MED12L: variants seen among roughly 807,000 people sequenced by gnomAD.
The protein encoded by MED12L is mediator of RNA polymerase II transcription subunit 12-like protein.
A neutral mutation model predicts 281.3 loss-of-function variants in MED12L; 60 were observed. That is an observed-to-expected ratio of 0.21 (90% confidence interval 0.17 to 0.26). MED12L has a LOEUF of 0.26. MED12L is among the 10% of genes least tolerant of loss of function. MED12L has a pLI of 1.00. For synonymous variants in MED12L, 974 were observed against 987.2 expected, an observed-to-expected ratio of 0.99 and a Z score of 0.25; for missense variants, 2,146 against 2,680.9, an observed-to-expected ratio of 0.80 and a Z score of 4.41.
At chr3:151,297,941 T>G (rs1745328395) in intron 16 of MED12L, among the ~76,000 whole-genome samples, 1 of 152,104 alleles carries the variant, frequency 6.6e-6, no homozygotes, top group Non-Finnish European at 1.5e-5. Context: ...GCAGCAAAGC[T>G]TAAACAAATT....
chr3:151,423,650 T>C (rs948444063), intron 43 of MED12L, among the ~76,000 whole-genome samples: 4 of 152,198 alleles, frequency 2.6e-5, no homozygotes, highest in African/African-American at 9.6e-5. Context: ...TAGAAAAATA[T>C]TTTTAATGCT....
intron 39 of MED12L, among the ~76,000 whole-genome samples, chr3:151,404,292 C>T (rs1716039549): frequency 6.6e-6 from 1 of 152,110 alleles, no homozygotes; most frequent in South Asian, 2.1e-4. Context: ...AATATATGGA[C>T]ATGCTAAAAT....
At chr3:151,089,585 T>G (rs930715170) in intron 2 of MED12L, among the ~76,000 whole-genome samples, 2 of 152,002 alleles carry the variant, frequency 1.3e-5, no homozygotes, top group Non-Finnish European at 2.9e-5. Context: ...ATTTTTATTG[T>G]TGTTGTTAAC....
intron 16 of MED12L, among the ~76,000 whole-genome samples, chr3:151,336,230 T>TAGCATGCTGGGATAAACA (rs1750970248): frequency 1.3e-5 from 2 of 152,192 alleles, no homozygotes; most frequent in South Asian, 4.1e-4. Context: ...ATAGCAGAAA[T>TAGCATGCTGGGATAAACA]TATTACTGCT....
intron 43 of MED12L, among the ~76,000 whole-genome samples, chr3:151,421,343 C>G (rs1577612838): frequency 6.6e-6 from 1 of 152,254 alleles, no homozygotes; most frequent in East Asian, 1.9e-4. Context: ...ATACCTCTTC[C>G]CCAAATTTCT....
rs141353889 is a variant in MED12L, at chr3:151,152,085, G to GTTTTTTTTTTTTTTTT, written c.557-4060_557-4045dup. ...AAGAATTGTGGATCAGTTGAAGGTG[G>GTTTTTTTTTTTTTTTT]TTTTTTTTTTTTTTTTTTTTTTTTT... On this transcript the variant is annotated intron_variant, in intron 5 of 44. Transcript: ENST00000687756. 1.3e-4 allele frequency among the ~76,000 whole-genome samples: 8 copies of GTTTTTTTTTTTTTTTT among 62,984 alleles called. 1 individual carries two copies. Among genetic ancestry groups the GTTTTTTTTTTTTTTTT allele is most frequent in the African/African-American group, 5.0e-4 (8 of 15,984 alleles). 41.3% of individuals were successfully genotyped at this position (62,984 alleles called of 152,430 possible). A position where few individuals can be genotyped will look rare whatever the true frequency, so the allele number is the denominator to read the frequency against.
chr3:151,107,618 G>C (rs1722238860), intron 2 of MED12L, among the ~76,000 whole-genome samples: 1 of 152,156 alleles, frequency 6.6e-6, no homozygotes, highest in South Asian at 2.1e-4. Flanking sequence ...AGGTTGAAAA[G>C]ACAGCGTATG....
chr3:151,412,943 A>G (rs1047792333), intron 41 of MED12L, among the ~76,000 whole-genome samples, 196 bp from the exon 42 acceptor site: 1 of 152,238 alleles, frequency 6.6e-6, no homozygotes, highest in African/African-American at 2.4e-5. Context: ...ATTTTACCTT[A>G]AGTCATGTGC....
At chr3:151,188,207 G>C (rs1175687775) in intron 12 of MED12L, 147 bp from the exon 13 acceptor site, 2 of 545,386 alleles carry the variant, frequency 3.7e-6, no homozygotes, top group East Asian at 6.1e-5. Context: ...CACCTGAGGT[G>C]CATGGTCCCT....
intron 16 of MED12L, chr3:151,340,718 A>G (rs1256735748): frequency 6.6e-6 from 1 of 152,552 alleles, no homozygotes; most frequent in African/African-American, 2.4e-5. Context: ...CCTCTTTGTG[A>G]TAGAGGATTT....
rs754856998 is a variant in MED12L, at chr3:151,365,969, A to G, written c.3305A>G (p.Asn1102Ser). 6.2e-7 allele frequency: 1 copy of G among 1,611,500 alleles called. No individual in the cohort carries two copies. The highest frequency in any genetic ancestry group is 8.5e-7 in the Non-Finnish European group (1 of 1,178,524). Residue 1102 changes from asparagine to serine, a missense_variant, in exon 23 of 45, where the codon AAT (asparagine) becomes AGT (serine). Physicochemically the swap from Asn to Ser is conservative, Grantham distance 46. Coordinates refer to ENST00000687756, the MANE Select transcript of MED12L (RefSeq NM_001393769.1). ...CCSSNHVWGF[N>S]DVLCTVDVSD... ...TCTTCAAATCACGTGTGGGGGTTTAATGATGTACTTTGCACTGTAGATGTA... is the reference window on the plus strand; with the variant it reads ...TCTTCAAATCACGTGTGGGGGTTTAGTGATGTACTTTGCACTGTAGATGTA...
chr3:151,223,435 C>T (rs956008042), intron 16 of MED12L, among the ~76,000 whole-genome samples: 2 of 152,196 alleles, frequency 1.3e-5, no homozygotes, highest in African/African-American at 4.8e-5. Context: ...GGCATAGAAT[C>T]AGCCTAGGTG....
chr3:151,218,255 G>C (rs1178030494), intron 16 of MED12L, among the ~76,000 whole-genome samples: 6 of 152,164 alleles, frequency 3.9e-5, no homozygotes, highest in Non-Finnish European at 8.8e-5. Flanking sequence ...CTTCTCAGTT[G>C]ATTCACTGTT....
intron 16 of MED12L, chr3:151,338,894 C>G: frequency 1.3e-6 from 2 of 1,583,104 alleles, no homozygotes; most frequent in Non-Finnish European, 1.7e-6. Flanking sequence ...TATTTTCAGC[C>G]TAAGGTAGTT....
chr3:151,292,808 A>G (rs1009451814), intron 16 of MED12L, among the ~76,000 whole-genome samples: 1 of 152,158 alleles, frequency 6.6e-6, no homozygotes, highest in Non-Finnish European at 1.5e-5. Flanking sequence ...CTCTATATAT[A>G]TACGGAAGCT....
At chr3:151,413,019 G>C in intron 41 of MED12L, 120 bp from the exon 42 acceptor site, 3 of 1,156,138 alleles carry the variant, frequency 2.6e-6, no homozygotes. Context: ...TATTTGAATT[G>C]TGCAAAGGAT....
At chr3:151,152,200 A>G (rs1465706277) in intron 5 of MED12L, among the ~76,000 whole-genome samples, 1 of 145,996 alleles carries the variant, frequency 6.8e-6, no homozygotes, top group African/African-American at 2.6e-5. Context: ...CCTGGGCTCA[A>G]GCGGCCTTCT....
intron 16 of MED12L, among the ~76,000 whole-genome samples, chr3:151,242,167 C>A (rs569839896): frequency 6.6e-6 from 1 of 152,164 alleles, no homozygotes. Flanking sequence ...AGTCTGAGAT[C>A]AAACTGCAAG....
chr3:151,368,537 CTG>C (rs1165217473), intron 25 of MED12L, among the ~76,000 whole-genome samples: 1 of 151,938 alleles, frequency 6.6e-6, no homozygotes, highest in Non-Finnish European at 1.5e-5. Context: ...CTCTCACGTA[CTG>C]TGTGTGTTGG....
Sources: gnomAD v4.1 joint callset for allele counts (sites outside exome capture counted in the v4.1 genomes callset) on GRCh38, gnomAD v4.1.1 for gene constraint, MANE v1.5 for transcripts, NCBI Gene and HGNC (gene_info 2026-07-23, HGNC 2026-07-21) for gene names.